The following MARCHF5 variants were observed in gnomAD, a reference collection of about 807,000 sequenced individuals.
MARCHF5 encodes membrane associated ring-CH-type finger 5.
In MARCHF5, 5 loss-of-function variants were observed where a neutral mutation model predicts 36.5. The ratio of observed to expected loss-of-function variants is 0.14; its 90% CI spans 0.07 to 0.29. MARCHF5 has a LOEUF of 0.29. MARCHF5 is among the 10% of genes least tolerant of loss of function. The pLI is 1.00. For synonymous variants in MARCHF5, 103 were observed against 109.9 expected (o/e 0.94, Z 0.39); for missense variants, 179 against 336.3 (o/e 0.53, Z 3.66).
chr10:92,291,376 A>C lies in MARCHF5; in HGVS notation c.-119A>C, dbSNP rs1465440700. 1 of 902,820 alleles carries C rather than the reference A, an allele frequency of 1.1e-6. No individual in the cohort carries two copies. Among genetic ancestry groups the C allele is most frequent in the Non-Finnish European group, 1.8e-6 (1 of 569,336 alleles). 55.9% of individuals were successfully genotyped at this position (902,820 alleles called of 1,614,324 possible). On this transcript the variant is annotated 5_prime_UTR_variant, in exon 1 of 6. Coordinates refer to ENST00000358935, the MANE Select transcript of MARCHF5 (RefSeq NM_017824.5). Reference sequence around the variant, plus strand: ...CGGAGCTGCCCCGGGAAGCTGGGTGACGGGTTCGCGGCTGCCGCCGGACTG... The same window carrying C: ...CGGAGCTGCCCCGGGAAGCTGGGTGCCGGGTTCGCGGCTGCCGCCGGACTG...
chr10:92,313,207 C>T (rs1409124355), intron 2 of MARCHF5, among the ~76,000 whole-genome samples: 1 of 152,082 alleles, frequency 6.6e-6, no homozygotes, highest in Non-Finnish European at 1.5e-5. Flanking sequence ...GCACACAAGC[C>T]TGGGCGACAG....
intron 1 of MARCHF5, among the ~76,000 whole-genome samples, chr10:92,295,509 G>A (rs1264640494): frequency 6.7e-6 from 1 of 149,086 alleles, no homozygotes; most frequent in Non-Finnish European, 1.5e-5. Flanking sequence ...TTGGGTTCAC[G>A]CCATTCTCCT....
At chr10:92,291,833 TC>T (rs944948076) in intron 1 of MARCHF5, among the ~76,000 whole-genome samples, 58 of 146,080 alleles carry the variant, frequency 4.0e-4, no homozygotes, top group African/African-American at 1.5e-3. Context: ...CCTCTTCCCC[TC>T]CCCCTTCCCC....
At chr10:92,311,071 G>A (rs1252805991) in intron 1 of MARCHF5, 64 bp from the exon 2 acceptor site, 2 of 1,184,988 alleles carry the variant, frequency 1.7e-6, no homozygotes, top group Non-Finnish European at 2.5e-6. Flanking sequence ...AGTAAGAGCT[G>A]CAGTATAGAG....
intron 1 of MARCHF5, among the ~76,000 whole-genome samples, chr10:92,299,023 A>G (rs1281771171): frequency 1.3e-5 from 2 of 150,216 alleles, no homozygotes; most frequent in East Asian, 3.9e-4. Context: ...GACGGGTCTC[A>G]CTATGTTGCC....
intron 1 of MARCHF5, among the ~76,000 whole-genome samples, chr10:92,310,456 T>C (rs1253448877): frequency 1.3e-5 from 2 of 152,136 alleles, no homozygotes; most frequent in African/African-American, 2.4e-5. Context: ...CCGATCTCAA[T>C]AGAATTTTAT....
At chr10:92,331,921 A>G (rs867557072) in intron 2 of MARCHF5, among the ~76,000 whole-genome samples, 17 of 42,580 alleles carry the variant, frequency 4.0e-4, no homozygotes, top group African/African-American at 7.6e-4. Context: ...ATATATAATC[A>G]TATATATGTA....
At chr10:92,314,241 C>A (rs1843180557) in intron 2 of MARCHF5, among the ~76,000 whole-genome samples, 1 of 151,874 alleles carries the variant, frequency 6.6e-6, no homozygotes, top group Non-Finnish European at 1.5e-5. Context: ...ATTTTACTCT[C>A]AAATGATATG....
chr10:92,350,948 AAAAAG>A, intron 5 of MARCHF5, 138 bp from the exon 6 acceptor site: 1 of 607,050 alleles, frequency 1.6e-6, no homozygotes, highest in Admixed American at 3.0e-5. Flanking sequence ...CTCCTAGTAG[AAAAAG>A]AAAACTGTTT....
chr10:92,327,531 G>A (rs1326336395), intron 2 of MARCHF5, among the ~76,000 whole-genome samples: 1 of 152,116 alleles, frequency 6.6e-6, no homozygotes, highest in Non-Finnish European at 1.5e-5. Flanking sequence ...TAAATGACTA[G>A]AAATAGAATT....
At chr10:92,351,047 T>C (rs1386688425) in intron 5 of MARCHF5, 44 bp from the exon 6 acceptor site, 2 of 1,069,008 alleles carry the variant, frequency 1.9e-6, no homozygotes, top group Non-Finnish European at 2.9e-6. Flanking sequence ...ACTCTGTTTC[T>C]CTAAATCTGC....
chr10:92,338,938 G>A (rs183728870), intron 2 of MARCHF5, among the ~76,000 whole-genome samples: 19 of 152,100 alleles, frequency 1.2e-4, no homozygotes, highest in Non-Finnish European at 2.2e-4. Context: ...TCAGTTACTC[G>A]GGAGGCTGAG....
At chr10:92,334,392 C>A (rs1157626479) in intron 2 of MARCHF5, 1 of 152,232 alleles carries the variant, frequency 6.6e-6, no homozygotes, top group Non-Finnish European at 1.5e-5. Flanking sequence ...TGTAAAGTAC[C>A]TGTTTATGCT....
chr10:92,309,206 T>G (rs900010169), intron 1 of MARCHF5, among the ~76,000 whole-genome samples: 2 of 152,212 alleles, frequency 1.3e-5, no homozygotes, highest in Non-Finnish European at 2.9e-5. Flanking sequence ...TTTTAACTTT[T>G]TTTGGAAAGT....
chr10:92,331,374 AAAAACAAAC>A (rs980790103), intron 2 of MARCHF5, among the ~76,000 whole-genome samples: 112 of 152,268 alleles, frequency 7.4e-4, no homozygotes, highest in African/African-American at 2.5e-3. Context: ...ATTTATTTAA[AAAAACAAAC>A]AAAACAAACA....
chr10:92,336,726 G>T (rs1012432153), intron 2 of MARCHF5, among the ~76,000 whole-genome samples: 5 of 151,980 alleles, frequency 3.3e-5, no homozygotes, highest in Admixed American at 1.3e-4. Context: ...TCAGCCAGGG[G>T]TTAAGCCAGC....
At chr10:92,328,986 A>T (rs757331679) in intron 2 of MARCHF5, among the ~76,000 whole-genome samples, 16 of 151,914 alleles carry the variant, frequency 1.1e-4, no homozygotes, top group Non-Finnish European at 2.1e-4. Context: ...ATTCATTTCC[A>T]CCTAGTTTTA....
chr10:92,291,303 CGCCTCCGCCG>C lies in MARCHF5; in HGVS notation c.-190_-181del, dbSNP rs893525804. ...CAGGCTCCTCCTCCTCGCTCTCCGC[CGCCTCCGCCG>C]GACTCCCGCAGGCCCTGCACCGCCG... On this transcript the variant is annotated 5_prime_UTR_variant, in exon 1 of 6. It introduces an in-frame stop codon into an upstream open reading frame of the 5' UTR. Transcript: ENST00000358935. The C allele has an allele frequency of 7.0e-6, 4 of 573,290 alleles. No individual in the cohort carries two copies. In the Admixed American group the frequency reaches 1.0e-4, roughly 15 times the overall value. The allele number at this position is 573,290 out of a possible 1,614,324, so 35.5% of individuals were successfully genotyped here.
intron 2 of MARCHF5, among the ~76,000 whole-genome samples, chr10:92,326,583 G>A (rs1843362933): frequency 6.6e-6 from 1 of 152,168 alleles, no homozygotes; most frequent in African/African-American, 2.4e-5. Context: ...CAAATGATGT[G>A]TAAGTAACAA....
Sources: allele counts gnomAD v4.1 joint callset (sites outside exome capture counted in the v4.1 genomes callset), GRCh38; gene constraint gnomAD v4.1.1; transcripts MANE v1.5; gene names NCBI Gene and HGNC (gene_info 2026-07-23, HGNC 2026-07-21).